The following TTN variants were observed in gnomAD, a reference collection of about 807,000 sequenced individuals.
The protein encoded by TTN is titin, also known as connectin.
Under a neutral mutation model 3,223.0 loss-of-function variants are expected in TTN, and 1,525 were observed. The observed-to-expected ratio is 0.47, with a 90% confidence interval of 0.45 to 0.49. The LOEUF (loss-of-function observed/expected upper bound fraction) is 0.49, where lower values mean the gene tolerates loss of function less well. TTN is among the 20% of genes least tolerant of loss of function. TTN has a pLI of 0.00. For missense variants in TTN, 40,786 were observed against 43,424.0 expected (o/e 0.94, Z 5.40); for synonymous variants, 14,094 against 15,161.0 (o/e 0.93, Z 5.17).
chr2:178,799,983 G>T, intron 4 of TTN, 73 bp from the exon 5 acceptor site: 1 of 1,513,810 alleles, frequency 6.6e-7, no homozygotes, highest in Non-Finnish European at 9.1e-7. Context: ...TGTTAATTCT[G>T]ACTACAAAGT....
At chr2:178,644,432 G>A in intron 218 of TTN, 116 bp downstream of exon 218, 1 of 733,680 alleles carries the variant, frequency 1.4e-6, no homozygotes, top group African/African-American at 1.9e-5. Context: ...AGAAATGAAT[G>A]GGACTACTCT....
chr2:178,559,468 G>C lies in TTN; in HGVS notation c.86664C>G (p.Ser28888Arg). The C allele has an allele frequency of 6.2e-7, 1 of 1,613,682 alleles. No homozygotes were observed. ...TGGTCACAGAGACCCATGCTTTCTT[G>C]CTGGCCTCACGTTTTTCTATGTGGT... ...KNYHIEKREA[S>R]KKAWVSVTNN... is the part of the protein sequence containing the mutation. The change falls in exon 326 of 363, where the codon AGC becomes AGG. Residue 28888 changes from serine to arginine, a missense_variant. Ser to Arg is a moderately radical substitution (Grantham distance 110). Transcript: ENST00000589042.
chr2:178,692,170 A>T, intron 120 of TTN, 71 bp from the exon 121 acceptor site: 1 of 1,382,910 alleles, frequency 7.2e-7, no homozygotes, highest in Non-Finnish European at 1.0e-6. Flanking sequence ...AGATTACATT[A>T]AAGCATAAAT....
rs2154184823 is a variant in TTN at position 178,591,166 on chromosome 2, C to G, written c.60559G>C (p.Glu20187Gln). The change falls in exon 304 of 363, where the codon GAA becomes CAA. Residue 20187 changes from glutamate (E) to glutamine (Q), a missense_variant. By Grantham distance (29) the Glu-to-Gln change is conservative (BLOSUM62 2). Transcript: ENST00000589042. ...GGCTGCCATGAGATAGTCATGTGTT[C>G]AGGAGTAACATCCAGAATATTAATA... ...GPINILDVTP[E>Q]HMTISWQPPK... 1 of 1,613,318 alleles carries G rather than the reference C, an allele frequency of 6.2e-7. No individual in the cohort carries two copies. Among genetic ancestry groups the G allele is most frequent in the Non-Finnish European group, 8.5e-7 (1 of 1,179,534 alleles).
In TTN at chr2:178,795,139, G is replaced by A; in HGVS notation, c.1028C>T (p.Pro343Leu). Residue 343 changes from proline to leucine, a missense_variant, in exon 7 of 363, where the codon CCC becomes CTC. Pro to Leu is a moderately conservative substitution (Grantham distance 98). Transcript: ENST00000589042. ...STVATGPEVP[P>L]PWKQEGYVAS... ...CACGTAGCCCTCTTGCTTCCAAGGG[G>A]GAGGCACTTCAGGACCTGTGGCCAC... 1 of 1,614,160 alleles carries A rather than the reference G, an allele frequency of 6.2e-7. No homozygotes were observed. Among genetic ancestry groups the A allele is most frequent in the South Asian group, 1.1e-5 (1 of 91,090 alleles).
At chr2:178,763,915 A>T (rs949317157) in intron 43 of TTN, among the ~76,000 whole-genome samples, 1 of 121,636 alleles carries the variant, frequency 8.2e-6, no homozygotes, top group Non-Finnish European at 1.7e-5. Context: ...ACCTTTTTTA[A>T]TATTAGTGAA....
chr2:178,559,999 T>C lies in TTN; in HGVS notation c.86133A>G (p.Thr28711=). 6.2e-7 allele frequency: 1 copy of C among 1,613,792 alleles called. No homozygotes were observed. The highest frequency in any genetic ancestry group is 1.7e-5 in the Admixed American group (1 of 60,014). Residue 28711 remains threonine, a synonymous_variant, in exon 326 of 363, where the codon ACA becomes ACG. Transcript: ENST00000589042. ...CAGCTCCTGTTGTTAGTCCGCTTATTGTATATTCTGTCCCTCGTAAGCTCT... is the reference window on the plus strand; with the variant it reads ...CAGCTCCTGTTGTTAGTCCGCTTATCGTATATTCTGTCCCTCGTAAGCTCT... The part of the protein sequence containing the change: ...SIQSLRGTEY[T]ISGLTTGAEY...
Position 178,585,294 on chromosome 2 carries a change from G to C in TTN, c.64450C>G (p.Leu21484Val). 1 of 1,611,494 alleles carries C rather than the reference G, an allele frequency of 6.2e-7. No individual in the cohort carries two copies. Among genetic ancestry groups the C allele is most frequent in the Non-Finnish European group, 8.5e-7 (1 of 1,178,678 alleles). Residue 21484 changes from leucine (L) to valine (V), a missense_variant, in exon 309 of 363, where the codon CTC (leucine) becomes GTC (valine). Transcript: ENST00000589042. ...EQITIKAGKK[L>V]RIEAHVYGKP... is the part of the protein sequence containing the mutation. ...CCATACACATGGGCTTCAATTCGGA[G>C]TTTTTTCCCAGCTTTGATAGTTATT... is the stretch of plus-strand genomic sequence containing the variant.
Position 178,539,891 on chromosome 2 carries a change from G to T in TTN, c.98174C>A (p.Thr32725Asn). 6.2e-7 allele frequency: 1 copy of T among 1,613,770 alleles called. No individual in the cohort carries two copies. The change falls in exon 352 of 363, where the codon ACC becomes AAC. Residue 32725 changes from threonine to asparagine, a missense_variant. By Grantham distance (65) the Thr-to-Asn change is moderately conservative. Transcript: ENST00000589042. ...FVRQGGVIRL[T>N]IPIKGKPFPI... ...GAATGGTTTTCCTTTGATTGGTATGGTAAGTCTGATGACGCCACCTTGCCT... is the reference window on the plus strand; with the variant it reads ...GAATGGTTTTCCTTTGATTGGTATGTTAAGTCTGATGACGCCACCTTGCCT...
At chr2:178,613,389 A>G (rs1576445998) in intron 263 of TTN, 113 bp from the exon 264 acceptor site, 1 of 915,678 alleles carries the variant, frequency 1.1e-6, no homozygotes, top group East Asian at 2.7e-5. Flanking sequence ...GTGATTTGGA[A>G]ATTTAACTGA....
rs1303584894 is a variant in TTN at position 178,555,141 on chromosome 2, T to C, written c.88318A>G (p.Ile29440Val). 6.2e-7 allele frequency: 1 copy of C among 1,607,000 alleles called. No individual in the cohort carries two copies. The highest frequency in any genetic ancestry group is 1.1e-5 in the South Asian group (1 of 88,506). ...TCTGTATATTCTAGAGGCAAATCAA[T>C]TACAGGACCACCTGCAAGAAAAACA... The part of the protein sequence containing the change: ...TCIDSYGGPV[I>V]DLPLEYTEVV... Residue 29440 changes from isoleucine (I) to valine (V), a missense_variant, in exon 331 of 363, where the codon ATT becomes GTT. Physicochemically the swap from Ile to Val is conservative, Grantham distance 29. Coordinates refer to ENST00000589042, the MANE Select transcript of TTN (RefSeq NM_001267550.2).
chr2:178,732,931 C>A lies in TTN; in HGVS notation c.16245G>T (p.Glu5415Asp). The change falls in exon 55 of 363, where the codon GAG (glutamate) becomes GAT (aspartate). Residue 5415 changes from glutamate (E) to aspartate (D), a missense_variant. Glu to Asp is a conservative substitution (Grantham distance 45, BLOSUM62 2). Coordinates refer to ENST00000589042, the MANE Select transcript of TTN (RefSeq NM_001267550.2). Reference protein sequence around the residue: ...IAFVEGTASLEIIRVDMNDAG... With the variant: ...IAFVEGTASLDIIRVDMNDAG... ...CATCATTCATGTCTACTCTGATGAT[C>A]TCCAAAGAGGCTGTGCCTTCCACAA... is the stretch of plus-strand genomic sequence containing the variant. 1.2e-6 allele frequency: 2 copies of A among 1,613,544 alleles called. No homozygotes were observed. The highest frequency in any genetic ancestry group is 8.5e-7 in the Non-Finnish European group (1 of 1,179,726).
chr2:178,610,846 TCTC>T (rs1238691165), intron 270 of TTN, 144 bp downstream of exon 270: 1 of 1,012,716 alleles, frequency 9.9e-7, no homozygotes, highest in Non-Finnish European at 1.4e-6. Context: ...TTGTTTTACT[TCTC>T]CTATGGAAAG....
At chr2:178,527,332 A>T in intron 362 of TTN, 25 bp from the exon 363 acceptor site, 1 of 1,569,876 alleles carries the variant, frequency 6.4e-7, no homozygotes, top group African/African-American at 1.4e-5. Context: ...GACAAAAAAA[A>T]GGTCTTAGAA....
chr2:178,538,543 T>C lies in TTN; in HGVS notation c.99286A>G (p.Thr33096Ala). 3.1e-6 allele frequency: 5 copies of C among 1,605,898 alleles called. No homozygotes were observed. Among genetic ancestry groups the C allele is most frequent in the Non-Finnish European group, 4.3e-6 (5 of 1,175,390 alleles). Residue 33096 changes from threonine (T) to alanine (A), a missense_variant, in exon 354 of 363, where the codon ACA becomes GCA. Physicochemically the swap from Thr to Ala is moderately conservative, Grantham distance 58. Coordinates refer to ENST00000589042, the MANE Select transcript of TTN (RefSeq NM_001267550.2). The part of the protein sequence containing the change: ...RTAMSIKTKL[T>A]SGEAPGIRKE... The stretch of plus-strand genomic sequence containing the variant: ...TAGAGAACCAAAGGCTACTTACATG[T>C]GAGTTTAGTCTTTATAGACATAGCA...
In TTN at chr2:178,725,575, T is replaced by C. The variant is rs1023569847; in HGVS notation, c.20629A>G (p.Ile6877Val). Reference protein sequence around the residue: ...AGEPAELQASIEGAQPIFVQW... With the variant: ...AGEPAELQASVEGAQPIFVQW... ...ACAAAAATAGGCTGGGCGCCTTCTA[T>C]GGATGCTTGTAATTCAGCAGGCTCT... The change falls in exon 71 of 363, where the codon ATA becomes GTA. Residue 6877 changes from isoleucine (I) to valine (V), a missense_variant. Physicochemically the swap from Ile to Val is conservative, Grantham distance 29. Coordinates refer to ENST00000589042, the MANE Select transcript of TTN (RefSeq NM_001267550.2). The C allele has an allele frequency of 1.2e-6, 2 of 1,612,732 alleles. No homozygotes were observed. The highest frequency in any genetic ancestry group is 8.5e-7 in the Non-Finnish European group (1 of 1,179,248).
chr2:178,751,682 C>G, intron 47 of TTN: 1 of 1,613,358 alleles, frequency 6.2e-7, no homozygotes, highest in Non-Finnish European at 8.5e-7. Flanking sequence ...TCCAGAATCT[C>G]TGTCTTGGAC....
rs146504870 is a variant in TTN at position 178,748,146 on chromosome 2, T to G, written c.11311+4978A>C. On this transcript the variant is annotated intron_variant, in intron 47 of 362. Coordinates refer to ENST00000589042, the MANE Select transcript of TTN (RefSeq NM_001267550.2). The stretch of plus-strand genomic sequence containing the variant: ...CTGCCTCCATTTTCTAGAGGACAAC[T>G]TTTCTCAGAAAGATCAGTTTCTTCT... 8 of 1,613,086 alleles carry G rather than the reference T, an allele frequency of 5.0e-6. No individual in the cohort carries two copies. In the African/African-American group the frequency reaches 9.4e-5, roughly 19 times the overall value.
chr2:178,751,822 T>C (rs1158105435), intron 47 of TTN: 1 of 1,613,024 alleles, frequency 6.2e-7, no homozygotes, highest in Non-Finnish European at 8.5e-7. Context: ...AGGCAATTAA[T>C]CTACATGTAA....
Sources: gnomAD v4.1 joint callset for allele counts (sites outside exome capture counted in the v4.1 genomes callset) on GRCh38, gnomAD v4.1.1 for gene constraint, MANE v1.5 for transcripts, NCBI Gene and HGNC (gene_info 2026-07-23, HGNC 2026-07-21) for gene names.